Variants in ATP1B3 observed in about 807,000 individuals in gnomAD.
The protein encoded by ATP1B3 is sodium/potassium-transporting ATPase subunit beta-3.
In ATP1B3, 10 loss-of-function variants were observed where a neutral mutation model predicts 30.2. The ratio of observed to expected loss-of-function variants is 0.33; its 90% CI spans 0.20 to 0.56. The LOEUF (loss-of-function observed/expected upper bound fraction) is 0.56. Among genes scored for constraint, ATP1B3 ranks in the 20% least tolerant of loss-of-function variants. ATP1B3 has a pLI of 0.90. For missense variants in ATP1B3, 238 were observed against 336.7 expected, an observed-to-expected ratio of 0.71 and a Z score of 2.29; for synonymous variants, 113 against 117.0, an observed-to-expected ratio of 0.97 and a Z score of 0.22.
intron 3 of ATP1B3, among the ~76,000 whole-genome samples, chr3:141,911,337 C>A (rs1018747148): frequency 1.3e-5 from 2 of 152,036 alleles, no homozygotes; most frequent in African/African-American, 4.8e-5. Flanking sequence ...TTATGCCCTC[C>A]TTTTTCATGT....
chr3:141,890,086 C>CTTTTTTTTTTTTTTTTTTTTTTTTT (rs1245235657), intron 1 of ATP1B3, among the ~76,000 whole-genome samples: 1 of 107,550 alleles, frequency 9.3e-6, no homozygotes, highest in African/African-American at 3.7e-5. Flanking sequence ...AATTTTTTTT[C>CTTTTTTTTTTTTTTTTTTTTTTTTT]TTTTTTTTTT....
rs541708051 is a variant in ATP1B3, at chr3:141,876,674, G to T, written c.-128G>T. On this transcript the variant is annotated 5_prime_UTR_variant, in exon 1 of 7. Transcript: ENST00000286371. ...CTCGAGTACTCCCCGTAACGAGGAGGTGTTCTCGGCCGTCCCACCCTTCAC... is the reference window on the plus strand; with the variant it reads ...CTCGAGTACTCCCCGTAACGAGGAGTTGTTCTCGGCCGTCCCACCCTTCAC... 4.6e-4 allele frequency: 274 copies of T among 600,852 alleles called. 2 individuals carry two copies. In the African/African-American group the frequency reaches 5.2e-3, roughly 11 times the overall value. The allele number at this position is 600,852 out of a possible 1,614,324, so 37.2% of individuals were successfully genotyped here.
chr3:141,916,290 C>T (rs1350970639), intron 5 of ATP1B3: 8 of 484,660 alleles, frequency 1.7e-5, no homozygotes, highest in African/African-American at 1.2e-4. Context: ...TTTTTTCTGC[C>T]AGCTCAGTAA....
chr3:141,892,110 A>T (rs980059931), intron 1 of ATP1B3, among the ~76,000 whole-genome samples: 1 of 152,028 alleles, frequency 6.6e-6, no homozygotes, highest in African/African-American at 2.4e-5. Context: ...GTATGTTAAC[A>T]TCTCTGGTCA....
chr3:141,889,744 A>ATATATAT (rs1329331021), intron 1 of ATP1B3, among the ~76,000 whole-genome samples: 7 of 98,500 alleles, frequency 7.1e-5, no homozygotes, highest in African/African-American at 2.7e-4. Flanking sequence ...AAAAAAAAAA[A>ATATATAT]AAAAAAATAT....
chr3:141,916,862 AT>A (rs540200893), intron 5 of ATP1B3, among the ~76,000 whole-genome samples: 1 of 150,078 alleles, frequency 6.7e-6, no homozygotes, highest in African/African-American at 2.5e-5. Flanking sequence ...CAAAATTTGC[AT>A]TTTTTTCTTT....
In ATP1B3 at chr3:141,912,263, GTTC is replaced by G. The variant is rs545957244; in HGVS notation, c.347-1386_347-1384del. On this transcript the variant is annotated intron_variant, in intron 3 of 6. Coordinates refer to ENST00000286371, the MANE Select transcript of ATP1B3 (RefSeq NM_001679.4). ...TTTGAGGCATACTCTTTGAAATTTG[GTTC>G]TTATTTATTTATTTATTTATTTATT... Among the ~76,000 whole-genome samples the G allele has an allele frequency of 4.0e-3, 611 of 151,722 alleles. 7 individuals carry two copies. Among genetic ancestry groups the G allele is most frequent in the African/African-American group, 0.014 (595 of 41,354 alleles).
intron 1 of ATP1B3, among the ~76,000 whole-genome samples, chr3:141,890,529 T>C (rs1251569538): frequency 6.6e-6 from 1 of 151,536 alleles, no homozygotes. Flanking sequence ...TCTCGAACTC[T>C]TGACCTCAAG....
intron 1 of ATP1B3, among the ~76,000 whole-genome samples, chr3:141,879,911 G>A (rs891347828): frequency 7.9e-6 from 1 of 125,926 alleles, no homozygotes; most frequent in African/African-American, 3.1e-5. Context: ...CAAATTTTAT[G>A]TAGGTGGTGG....
Position 141,889,869 on chromosome 3 carries a change from A to G in ATP1B3, c.109+12959A>G, listed in dbSNP as rs563725171. Among the ~76,000 whole-genome samples the G allele has an allele frequency of 1.4e-4, 21 of 149,930 alleles. 1 individual carries two copies. In the South Asian group the frequency reaches 4.2e-3, roughly 30 times the overall value. On this transcript the variant is annotated intron_variant, in intron 1 of 6. Coordinates refer to ENST00000286371, the MANE Select transcript of ATP1B3 (RefSeq NM_001679.4). Reference sequence around the variant, plus strand: ...TACAGTTCTCCAAAAAAGCTGTACCAGTTTATACTCCCACCAGCAGTGGAT... The same window carrying G: ...TACAGTTCTCCAAAAAAGCTGTACCGGTTTATACTCCCACCAGCAGTGGAT...
chr3:141,899,072 G>T (rs1269866697), intron 1 of ATP1B3, among the ~76,000 whole-genome samples: 2 of 152,196 alleles, frequency 1.3e-5, no homozygotes, highest in Non-Finnish European at 2.9e-5. Flanking sequence ...CAGGAACTGG[G>T]TGCAGGGAGG....
Position 141,907,742 on chromosome 3 carries a change from A to G in ATP1B3, c.346+468A>G, listed in dbSNP as rs1461769809. ...CCTTCTGTTAAGCAGACAACTGAGC[A>G]AGTGCATTTTATAATTACTTGTGAG... On this transcript the variant is annotated intron_variant, in intron 3 of 6. Coordinates refer to ENST00000286371, the MANE Select transcript of ATP1B3 (RefSeq NM_001679.4). Among the ~76,000 whole-genome samples the G allele has an allele frequency of 2.0e-5, 3 of 152,176 alleles. No individual in the cohort carries two copies. The East Asian group carries it at 5.8e-4, about 29-fold the overall frequency.
At chr3:141,879,059 T>C (rs2107925160) in intron 1 of ATP1B3, among the ~76,000 whole-genome samples, 1 of 152,302 alleles carries the variant, frequency 6.6e-6, no homozygotes, top group South Asian at 2.1e-4. Context: ...TTTAATTCTC[T>C]TGAAGGGACT....
chr3:141,890,810 C>T (rs990624846), intron 1 of ATP1B3, among the ~76,000 whole-genome samples: 3 of 150,124 alleles, frequency 2.0e-5, no homozygotes, highest in South Asian at 4.3e-4. Flanking sequence ...TGAGCTGAAG[C>T]GATCTGCCTG....
At chr3:141,901,529 T>C (rs1259512874) in intron 1 of ATP1B3, among the ~76,000 whole-genome samples, 2 of 152,204 alleles carry the variant, frequency 1.3e-5, no homozygotes, top group African/African-American at 4.8e-5. Flanking sequence ...AAATAACTTA[T>C]TTACTTGTTT....
At chr3:141,902,215 T>C in intron 1 of ATP1B3, 4 of 1,288,488 alleles carry the variant, frequency 3.1e-6, no homozygotes, top group Non-Finnish European at 4.0e-6. Flanking sequence ...TCCATCCTTA[T>C]TTTGGCCACC....
At chr3:141,902,116 C>G (rs1224226321) in intron 1 of ATP1B3, 1 of 1,288,300 alleles carries the variant, frequency 7.8e-7, no homozygotes, top group Non-Finnish European at 1.0e-6. Flanking sequence ...TGAGATTGGT[C>G]TTTTCTTTTT....
rs940032363 is a variant in ATP1B3 at position 141,915,491 on chromosome 3, T to C, written c.532-479T>C. Among the ~76,000 whole-genome samples, 5 of 152,346 alleles carry C rather than the reference T, an allele frequency of 3.3e-5. No individual in the cohort carries two copies. The East Asian group carries it at 9.6e-4, about 29-fold the overall frequency. ...GTCTTAAAATAGGGCTCTCCCAGTG[T>C]GTGCCTTTTGGGGAGCAGATGGGTT... On this transcript the variant is annotated intron_variant, in intron 4 of 6. Transcript: ENST00000286371.
At chr3:141,879,811 CTTTTT>C (rs150389395) in intron 1 of ATP1B3, among the ~76,000 whole-genome samples, 149 of 57,942 alleles carry the variant, frequency 2.6e-3, no homozygotes, top group South Asian at 8.1e-3. Flanking sequence ...TTGGTAACAG[CTTTTT>C]TTTTTTTTTT....
Sources: gnomAD v4.1 joint callset for allele counts (sites outside exome capture counted in the v4.1 genomes callset) on GRCh38, gnomAD v4.1.1 for gene constraint, MANE v1.5 for transcripts, NCBI Gene and HGNC (gene_info 2026-07-23, HGNC 2026-07-21) for gene names.